Variants in MROH9 observed in about 807,000 individuals in gnomAD.
The protein encoded by MROH9 is maestro heat like repeat family member 9.
Under a neutral mutation model 98.2 loss-of-function variants are expected in MROH9, and 92 were observed. The ratio of observed to expected loss-of-function variants is 0.94; its 90% CI spans 0.79 to 1.11. MROH9 has a LOEUF of 1.11. Among genes scored for constraint, MROH9 ranks in the 50% most tolerant of loss-of-function variants. The probability of loss-of-function intolerance (pLI) is 0.00; values close to 1 mark genes in which losing one functional copy is unlikely to be tolerated. For missense variants in MROH9, 1,057 were observed against 1,014.8 expected (o/e 1.04, Z -0.57); for synonymous variants, 397 against 368.9 (o/e 1.08, Z -0.87).
intron 6 of MROH9, among the ~76,000 whole-genome samples, chr1:170,962,423 C>G (rs1285461823): frequency 6.6e-6 from 1 of 152,108 alleles, no homozygotes; most frequent in Non-Finnish European, 1.5e-5. Context: ...GAAGGCCTAA[C>G]AACAATTCAA....
At chr1:171,063,598 A>C (rs1654077662) in intron 21 of MROH9, among the ~76,000 whole-genome samples, 1 of 152,082 alleles carries the variant, frequency 6.6e-6, no homozygotes, top group Admixed American at 6.6e-5. Flanking sequence ...TATTTTTTTA[A>C]ACTATCATAA....
chr1:171,019,220 G>A (rs1032811789), intron 17 of MROH9, among the ~76,000 whole-genome samples: 14 of 152,214 alleles, frequency 9.2e-5, no homozygotes, highest in African/African-American at 3.1e-4. Context: ...TGACTCCTGG[G>A]TAAATAATGA....
intron 20 of MROH9, among the ~76,000 whole-genome samples, chr1:171,041,161 CATCT>C (rs1653284518): frequency 6.6e-6 from 1 of 151,706 alleles, no homozygotes; most frequent in Non-Finnish European, 1.5e-5. Flanking sequence ...GAGTCACCAG[CATCT>C]ATTATTCCAC....
chr1:171,048,867 A>C (rs1027559736), intron 20 of MROH9, among the ~76,000 whole-genome samples: 2 of 152,126 alleles, frequency 1.3e-5, no homozygotes, highest in African/African-American at 4.8e-5. Context: ...TCAGGTAATG[A>C]ATGCTGCCAG....
chr1:171,037,597 A>G (rs1454277270), intron 20 of MROH9, among the ~76,000 whole-genome samples: 1 of 151,986 alleles, frequency 6.6e-6, no homozygotes, highest in African/African-American at 2.4e-5. Flanking sequence ...TTTCTTCAAC[A>G]TTGCTTGCTG....
intron 20 of MROH9, among the ~76,000 whole-genome samples, chr1:171,026,537 T>C (rs1571149725): frequency 6.6e-6 from 1 of 152,078 alleles, no homozygotes; most frequent in African/African-American, 2.4e-5. Context: ...CCTCCCAAAG[T>C]GCTAAAATTA....
chr1:170,985,545 G>A (rs1345397051), intron 9 of MROH9, among the ~76,000 whole-genome samples: 1 of 152,050 alleles, frequency 6.6e-6, no homozygotes, highest in Non-Finnish European at 1.5e-5. Context: ...TTCTAACACT[G>A]GCTCTAAGTT....
intron 3 of MROH9, among the ~76,000 whole-genome samples, chr1:170,948,302 T>G (rs1649412092): frequency 6.6e-6 from 1 of 152,058 alleles, no homozygotes; most frequent in African/African-American, 2.4e-5. Flanking sequence ...AGCGTGGATA[T>G]TAAAACTTTT....
chr1:170,943,367 C>G (rs1649198001), intron 1 of MROH9, among the ~76,000 whole-genome samples: 1 of 151,610 alleles, frequency 6.6e-6, no homozygotes, highest in Non-Finnish European at 1.5e-5. Flanking sequence ...AATAAAGGAC[C>G]AAACTGAGGT....
intron 4 of MROH9, 77 bp from the exon 5 acceptor site, chr1:170,959,385 A>C (rs1649919173): frequency 1.5e-6 from 2 of 1,317,784 alleles, no homozygotes; most frequent in Non-Finnish European, 2.0e-6. Flanking sequence ...AAAATAAATA[A>C]ATAAATAAAT....
Position 170,965,175 on chromosome 1 carries a change from G to A in MROH9, c.400G>A (p.Asp134Asn), listed in dbSNP as rs1158398652. ...LKEMLVWMSKDSSYLQERIMV... is the reference protein window; with the variant it reads ...LKEMLVWMSKNSSYLQERIMV... ...GGAAATGCTCGTGTGGATGAGTAAA[G>A]ATAGCTCATATCTGCAAGAGAGAAT... The change falls in exon 7 of 22, where the codon GAT becomes AAT. Residue 134 changes from aspartate to asparagine, a missense_variant. Coordinates refer to ENST00000367759, the MANE Select transcript of MROH9 (RefSeq NM_001163629.2). 1 of 1,610,578 alleles carries A rather than the reference G, an allele frequency of 6.2e-7. No homozygotes were observed. The highest frequency in any genetic ancestry group is 1.3e-5 in the African/African-American group (1 of 74,794).
chr1:171,060,524 T>C (rs925825517), intron 20 of MROH9, among the ~76,000 whole-genome samples: 6 of 152,280 alleles, frequency 3.9e-5, no homozygotes, highest in African/African-American at 1.4e-4. Flanking sequence ...ACTTATACCA[T>C]GGGATATCAA....
At chr1:171,004,065 C>G (rs1356478491) in intron 15 of MROH9, among the ~76,000 whole-genome samples, 1 of 152,094 alleles carries the variant, frequency 6.6e-6, no homozygotes, top group Admixed American at 6.5e-5. Context: ...CCACACAAAC[C>G]AAAGGGGCAG....
rs1365737960 is a variant in MROH9, at chr1:171,016,239, C to A, written c.1811C>A (p.Ala604Asp). The stretch of plus-strand genomic sequence containing the variant: ...AAAGACGATAATGTTGTACTTCAGG[C>A]CTTGCTCACCCTTAGAAGGCTTTTA... ...LSKDDNVVLQ[A>D]LLTLRRLLNE... The change falls in exon 17 of 22, where the codon GCC becomes GAC. Residue 604 changes from alanine (A) to aspartate (D), a missense_variant. Coordinates refer to ENST00000367759, the MANE Select transcript of MROH9 (RefSeq NM_001163629.2). The A allele has an allele frequency of 6.5e-7, 1 of 1,540,650 alleles. No homozygotes were observed. Among genetic ancestry groups the A allele is most frequent in the South Asian group, 1.2e-5 (1 of 81,840 alleles).
In MROH9 at chr1:170,965,857, C is replaced by T. The variant is rs565571779; in HGVS notation, c.480+602C>T. Among the ~76,000 whole-genome samples the T allele has an allele frequency of 3.3e-5, 5 of 152,186 alleles. No individual in the cohort carries two copies. In the East Asian group the frequency reaches 9.6e-4, roughly 29 times the overall value. On this transcript the variant is annotated intron_variant, in intron 7 of 21. Coordinates refer to ENST00000367759, the MANE Select transcript of MROH9 (RefSeq NM_001163629.2). ...AAAGTTATATTCACATATGGTTCTA[C>T]AATTTGCTTTTTTTCACTGAAACAA...
Position 170,974,698 on chromosome 1 carries a change from C to T in MROH9, c.616+2815C>T, listed in dbSNP as rs115219172. Among the ~76,000 whole-genome samples, 56 of 151,772 alleles carry T rather than the reference C, an allele frequency of 3.7e-4. 2 individuals carry two copies. The East Asian group carries it at 6.6e-3, about 18-fold the overall frequency. Reference sequence around the variant, plus strand: ...TTTTAGAAAAGGAAATTATACCAGACGAAAATCTAGATCTACAAAAAGGAA... The same window carrying T: ...TTTTAGAAAAGGAAATTATACCAGATGAAAATCTAGATCTACAAAAAGGAA... On this transcript the variant is annotated intron_variant, in intron 8 of 21. Coordinates refer to ENST00000367759, the MANE Select transcript of MROH9 (RefSeq NM_001163629.2).
At chr1:170,984,124 G>A (rs1424966138) in intron 9 of MROH9, among the ~76,000 whole-genome samples, 1 of 152,182 alleles carries the variant, frequency 6.6e-6, no homozygotes, top group Non-Finnish European at 1.5e-5. Flanking sequence ...GGCTCCAGAA[G>A]TTGCACAGCA....
chr1:171,053,187 G>A (rs1485008576), intron 20 of MROH9, among the ~76,000 whole-genome samples: 1 of 152,246 alleles, frequency 6.6e-6, no homozygotes, highest in East Asian at 1.9e-4. Flanking sequence ...CTTGCTGTGG[G>A]AACCCTTCAC....
chr1:171,006,343 C>T (rs1651951218), intron 15 of MROH9, among the ~76,000 whole-genome samples: 1 of 152,154 alleles, frequency 6.6e-6, no homozygotes, highest in South Asian at 2.1e-4. Context: ...TTTCTGCTTT[C>T]AAGCTTATCT....
Sources: gnomAD v4.1 joint callset for allele counts (sites outside exome capture counted in the v4.1 genomes callset) on GRCh38, gnomAD v4.1.1 for gene constraint, MANE v1.5 for transcripts, NCBI Gene and HGNC (gene_info 2026-07-23, HGNC 2026-07-21) for gene names.